The following DIAPH3 variants were observed in gnomAD, a reference collection of about 807,000 sequenced individuals.
DIAPH3 encodes protein diaphanous homolog 3.
DIAPH3 carries 117 observed loss-of-function variants against 144.3 expected under a neutral mutation model. The observed-to-expected ratio is 0.81, with a 90% CI of 0.70 to 0.95. The LOEUF (loss-of-function observed/expected upper bound fraction) is 0.95, where lower values mean the gene tolerates loss of function less well. Ranked by LOEUF, DIAPH3 falls within the 40% of genes least tolerant of loss-of-function variation. The pLI is 0.00. For synonymous variants in DIAPH3, 519 were observed against 488.9 expected (o/e 1.06, Z -0.81); for missense variants, 1,421 against 1,412.7 (o/e 1.01, Z -0.09).
At chr13:59,930,638 A>G (rs988290152) in intron 17 of DIAPH3, among the ~76,000 whole-genome samples, 8 of 152,212 alleles carry the variant, frequency 5.3e-5, no homozygotes, top group African/African-American at 1.9e-4. Context: ...ACCAGATCAC[A>G]TAAGATATTT....
intron 27 of DIAPH3, among the ~76,000 whole-genome samples, chr13:59,693,168 T>G (rs1283980306): frequency 6.6e-6 from 1 of 152,154 alleles, no homozygotes; most frequent in African/African-American, 2.4e-5. Flanking sequence ...CGTGAAGGCC[T>G]CCGGTGGAAG....
chr13:60,079,660 G>A (rs1896187764), intron 4 of DIAPH3, among the ~76,000 whole-genome samples: 2 of 151,578 alleles, frequency 1.3e-5, no homozygotes, highest in South Asian at 2.1e-4. Context: ...CATGTCTTAT[G>A]TGGGAAAAAA....
chr13:60,156,939 A>ATTTTT (rs757042309), intron 1 of DIAPH3, among the ~76,000 whole-genome samples: 1 of 82,070 alleles, frequency 1.2e-5, no homozygotes, highest in African/African-American at 5.4e-5. Context: ...ATATATATAT[A>ATTTTT]TTTTTTTTTT....
chr13:59,736,490 G>A (rs758590191), intron 27 of DIAPH3, among the ~76,000 whole-genome samples: 13 of 151,970 alleles, frequency 8.6e-5, no homozygotes, highest in Non-Finnish European at 1.6e-4. Context: ...TCTGACTGGC[G>A]TGAGGTAGTA....
intron 14 of DIAPH3, among the ~76,000 whole-genome samples, chr13:59,979,349 A>T (rs939827925): frequency 6.6e-6 from 1 of 151,622 alleles, no homozygotes; most frequent in African/African-American, 2.4e-5. Flanking sequence ...GTCTACTACT[A>T]CTTTCCTATG....
At chr13:59,891,877 G>C (rs997955245) in intron 20 of DIAPH3, among the ~76,000 whole-genome samples, 1 of 152,004 alleles carries the variant, frequency 6.6e-6, no homozygotes, top group South Asian at 2.1e-4. Context: ...TAATCTATGT[G>C]ATGGTAATGC....
intron 24 of DIAPH3, among the ~76,000 whole-genome samples, chr13:59,814,939 T>G (rs781763928): frequency 6.6e-6 from 1 of 152,228 alleles, no homozygotes; most frequent in Non-Finnish European, 1.5e-5. Flanking sequence ...ATTATGGTAT[T>G]TGTCTCTCAG....
At position 59,796,701 on chromosome 13, in the gene DIAPH3, C is replaced by G. The variant is rs77679278; in HGVS notation, c.3163+14087G>C. On this transcript the variant is annotated intron_variant, in intron 25 of 27. Transcript: ENST00000400324. ...CCATATTGTGGGCAAACATTCTAAA[C>G]AGGTAATTTTAAACTAAATTCATCC... Among the ~76,000 whole-genome samples the G allele has an allele frequency of 2.3e-3, 347 of 152,162 alleles. 1 individual carries two copies. The highest frequency in any genetic ancestry group is 7.8e-3 in the African/African-American group (325 of 41,506).
intron 25 of DIAPH3, among the ~76,000 whole-genome samples, chr13:59,792,347 C>T (rs1319483591): frequency 6.6e-6 from 1 of 152,210 alleles, no homozygotes; most frequent in Non-Finnish European, 1.5e-5. Flanking sequence ...CCCTCTGGGT[C>T]ACTGTCATCT....
intron 7 of DIAPH3, among the ~76,000 whole-genome samples, chr13:60,015,681 G>T (rs935858179): frequency 6.6e-5 from 10 of 152,026 alleles, no homozygotes; most frequent in Non-Finnish European, 1.3e-4. Context: ...GGGAGGAAAG[G>T]GTGGGGAGAG....
intron 2 of DIAPH3, among the ~76,000 whole-genome samples, chr13:60,131,092 A>G (rs532669772): frequency 1.3e-5 from 2 of 152,246 alleles, no homozygotes; most frequent in South Asian, 4.1e-4. Flanking sequence ...ATAAAATATG[A>G]ATAAACCTCA....
chr13:59,876,086 G>T (rs1013906857), intron 21 of DIAPH3, among the ~76,000 whole-genome samples: 1 of 152,136 alleles, frequency 6.6e-6, no homozygotes, highest in Non-Finnish European at 1.5e-5. Context: ...TAATTACCCA[G>T]CATGTTTTAA....
intron 4 of DIAPH3, among the ~76,000 whole-genome samples, chr13:60,052,564 C>T (rs1352591005): frequency 6.6e-6 from 1 of 152,032 alleles, no homozygotes; most frequent in African/African-American, 2.4e-5. Context: ...CTGTGTGATG[C>T]CATCTTCTCC....
chr13:59,926,268 G>A (rs1248835721), intron 17 of DIAPH3, among the ~76,000 whole-genome samples: 3 of 152,118 alleles, frequency 2.0e-5, no homozygotes, highest in Non-Finnish European at 4.4e-5. Context: ...GATTACAGGT[G>A]TGAGCCACCT....
chr13:60,078,920 G>A (rs1249426222), intron 4 of DIAPH3, among the ~76,000 whole-genome samples: 1 of 152,024 alleles, frequency 6.6e-6, no homozygotes, highest in East Asian at 1.9e-4. Flanking sequence ...GATATAGAAA[G>A]AACTTACATG....
At chr13:59,679,668 G>C (rs1196645500) in intron 27 of DIAPH3, among the ~76,000 whole-genome samples, 2 of 152,172 alleles carry the variant, frequency 1.3e-5, no homozygotes. Flanking sequence ...CCTCTTAAAA[G>C]AGCTATAAGT....
chr13:59,807,421 C>T (rs976626937), intron 25 of DIAPH3, among the ~76,000 whole-genome samples: 5 of 152,000 alleles, frequency 3.3e-5, no homozygotes, highest in Non-Finnish European at 1.5e-5. Context: ...TAAATCATAG[C>T]TGTTTCAGCA....
rs186578625 is a variant in DIAPH3, at chr13:59,937,173, A to C, written c.2075-12303T>G. On this transcript the variant is annotated intron_variant, in intron 17 of 27. Coordinates refer to ENST00000400324, the MANE Select transcript of DIAPH3 (RefSeq NM_001042517.2). ...GCAAGACTCCATCTCAAAAAAAAAA[A>C]AACATAATAATAATAATTTTTCCAC... Among the ~76,000 whole-genome samples, 11 of 152,142 alleles carry C rather than the reference A, an allele frequency of 7.2e-5. No individual in the cohort carries two copies. In the East Asian group the frequency reaches 1.7e-3, roughly 24 times the overall value.
chr13:59,825,605 C>G, intron 24 of DIAPH3, among the ~76,000 whole-genome samples: 1 of 152,104 alleles, frequency 6.6e-6, no homozygotes, highest in East Asian at 1.9e-4. Context: ...CCTGAGGAAT[C>G]GCCACACTGA....
Sources: gnomAD v4.1 joint callset for allele counts (sites outside exome capture counted in the v4.1 genomes callset) on GRCh38, gnomAD v4.1.1 for gene constraint, MANE v1.5 for transcripts, NCBI Gene and HGNC (gene_info 2026-07-23, HGNC 2026-07-21) for gene names.